ZDHHC11B: variants seen among roughly 807,000 people sequenced by gnomAD.
ZDHHC11B encodes the protein zDHHC palmitoyltransferase 11B (putative).
Under a neutral mutation model 42.3 loss-of-function variants are expected in ZDHHC11B, and 17 were observed. That is an observed-to-expected ratio of 0.40 (90% CI 0.27 to 0.60). The LOEUF (loss-of-function observed/expected upper bound fraction) is 0.60. Ranked by LOEUF, ZDHHC11B falls within the 20% of genes least tolerant of loss-of-function variation. The probability of loss-of-function intolerance (pLI) is 0.41; values close to 1 mark genes in which losing one functional copy is unlikely to be tolerated. For synonymous variants in ZDHHC11B, 123 were observed against 193.5 expected (o/e 0.64, Z 3.02); for missense variants, 262 against 463.2 (o/e 0.57, Z 3.99).
intron 6 of ZDHHC11B, among the ~76,000 whole-genome samples, chr5:751,610 C>G (rs1297535025): frequency 8.0e-6 from 1 of 124,524 alleles, no homozygotes; most frequent in Non-Finnish European, 1.8e-5. Flanking sequence ...ATCTGGAGCC[C>G]GCAGGGTGGA....
rs1242033927 is a variant in ZDHHC11B at position 745,860 on chromosome 5, C to A, written c.785-562G>T. 3.3e-5 allele frequency among the ~76,000 whole-genome samples: 5 copies of A among 149,688 alleles called. 2 individuals are homozygous for A. In the East Asian group the frequency reaches 1.0e-3, roughly 31 times the overall value. The stretch of plus-strand genomic sequence containing the variant: ...CTGGCTAGCGGGTCCTGGGACCACA[C>A]ACTCCTGAGCGTGCTGAGAGCCCCA... On this transcript the variant is annotated intron_variant, in intron 8 of 13. Transcript: ENST00000508859.
chr5:725,111 C>A (rs543328354), intron 12 of ZDHHC11B, among the ~76,000 whole-genome samples: 1 of 151,398 alleles, frequency 6.6e-6, no homozygotes, highest in Admixed American at 6.6e-5. Context: ...ATGTGGGACC[C>A]GGATGACAGG....
chr5:776,837 G>A (rs1736539556), intron 1 of ZDHHC11B, among the ~76,000 whole-genome samples: 1 of 151,878 alleles, frequency 6.6e-6, no homozygotes, highest in African/African-American at 2.4e-5. Context: ...CCATTTGGGT[G>A]CAGCACAGCC....
At chr5:753,791 C>T (rs1341771364) in intron 6 of ZDHHC11B, among the ~76,000 whole-genome samples, 10 of 144,930 alleles carry the variant, frequency 6.9e-5, no homozygotes, top group Admixed American at 2.1e-4. Context: ...GTGCTCCAGA[C>T]GGGATGGCAG....
In ZDHHC11B at chr5:766,162, C is replaced by T. The variant is rs1340153523; in HGVS notation, c.222+536G>A. 2.0e-5 allele frequency among the ~76,000 whole-genome samples: 3 copies of T among 151,822 alleles called. 1 individual carries two copies. Among genetic ancestry groups the T allele is most frequent in the African/African-American group, 7.3e-5 (3 of 41,318 alleles). ...TGGGAGATGCGAGCAGACACAGGCT[C>T]CCACCCGCTGGAAGATGATGGGAGC... is the stretch of plus-strand genomic sequence containing the variant. On this transcript the variant is annotated intron_variant, in intron 4 of 13. Transcript: ENST00000508859.
Position 766,752 on chromosome 5 carries a change from G to A in ZDHHC11B, c.168C>T (p.Thr56=), listed in dbSNP as rs1735454296. The A allele has an allele frequency of 4.3e-6, 7 of 1,612,316 alleles. No individual in the cohort carries two copies. Among genetic ancestry groups the A allele is most frequent in the Non-Finnish European group, 5.9e-6 (7 of 1,179,068 alleles). Residue 56 remains threonine (T), a synonymous_variant, in exon 4 of 14, where the codon ACC becomes ACT. Transcript: ENST00000508859. ...WAVFVGLSLA[T]FRIFIPLLPH... ...GCAGGAGGGGAATGAAGATCCTGAA[G>A]GTGGCCAAGGAAAGGCCAACGAAGA...
chr5:728,680 G>A (rs370446), intron 12 of ZDHHC11B, among the ~76,000 whole-genome samples: 10,962 of 149,376 alleles, frequency 0.073, 142 homozygotes, highest in East Asian at 0.21. Flanking sequence ...ATGTAATAAG[G>A]TTATAAGTTC....
chr5:777,224 CAGTG>C (rs997736713), intron 1 of ZDHHC11B, among the ~76,000 whole-genome samples: 1 of 151,886 alleles, frequency 6.6e-6, no homozygotes, highest in African/African-American at 2.4e-5. Flanking sequence ...CGGACTCTCG[CAGTG>C]AGTGTTACAG....
At chr5:776,397 C>T (rs1223409150) in intron 1 of ZDHHC11B, among the ~76,000 whole-genome samples, 1 of 151,818 alleles carries the variant, frequency 6.6e-6, no homozygotes, top group Non-Finnish European at 1.5e-5. Context: ...GGATCAGGAC[C>T]AGGGAGAAGC....
At chr5:724,371 A>T (rs1349051050) in intron 12 of ZDHHC11B, among the ~76,000 whole-genome samples, 1 of 81,418 alleles carries the variant, frequency 1.2e-5, no homozygotes. Context: ...AACCCAGCTA[A>T]TTTTTTTTTT....
chr5:750,376 G>A lies in ZDHHC11B; in HGVS notation c.628+757C>T, dbSNP rs369170809. On this transcript the variant is annotated intron_variant, in intron 7 of 13. Coordinates refer to ENST00000508859, the MANE Select transcript of ZDHHC11B (RefSeq NM_001351303.2). Reference sequence around the variant, plus strand: ...TCTGCGAGCTCCTGTGGCTCCGGGCGACCCCGGGCTGTGGCTGTGTGACTC... The same window carrying A: ...TCTGCGAGCTCCTGTGGCTCCGGGCAACCCCGGGCTGTGGCTGTGTGACTC... 2.9e-5 allele frequency among the ~76,000 whole-genome samples: 4 copies of A among 139,036 alleles called. 1 individual carries two copies. In the East Asian group the frequency reaches 6.7e-4, roughly 23 times the overall value. 91.2% of individuals were successfully genotyped at this position (139,036 alleles called of 152,430 possible).
chr5:733,804 C>G lies in ZDHHC11B; in HGVS notation c.971G>C (p.Cys324Ser), dbSNP rs755473336. The G allele has an allele frequency of 6.4e-7, 1 of 1,570,124 alleles. No homozygotes were observed. The highest frequency in any genetic ancestry group is 8.6e-7 in the Non-Finnish European group (1 of 1,158,574). The change falls in exon 11 of 14, where the codon TGC becomes TCC. Residue 324 changes from cysteine to serine, a missense_variant. This residue lies in a region of ZDHHC11B where 75 missense variants were observed against 70.1 expected (regional missense o/e 1.07). Coordinates refer to ENST00000508859, the MANE Select transcript of ZDHHC11B (RefSeq NM_001351303.2). ...KAKSSLLIYK[C>S]PCHFCTSVNQ... ...TACTGAAGTGCAGAAGTGACATGGG[C>G]ATTTGTAAATCAGCAGGGAGCTCTT...
intron 9 of ZDHHC11B, among the ~76,000 whole-genome samples, chr5:743,237 G>A (rs553962852): frequency 1.5e-4 from 23 of 149,342 alleles, no homozygotes; most frequent in Middle Eastern, 3.4e-3. Flanking sequence ...CTCTGTCGGC[G>A]CCACACTGTT....
chr5:723,401 C>T (rs147403422), intron 12 of ZDHHC11B, among the ~76,000 whole-genome samples: 2,845 of 127,858 alleles, frequency 0.022, 76 homozygotes, highest in African/African-American at 0.056. Flanking sequence ...GGAATAGGGG[C>T]TCAGAGTGGT....
Position 711,959 on chromosome 5 carries a change from G to A in ZDHHC11B, c.*331C>T, listed in dbSNP as rs566626117. On this transcript the variant is annotated 3_prime_UTR_variant, in exon 14 of 14. Coordinates refer to ENST00000508859, the MANE Select transcript of ZDHHC11B (RefSeq NM_001351303.2). ...TAAGCAGCAAGAGGCCCTGCAGCTG[G>A]CTGGCTGGCTGGACAGCACAGTTAA... 7.7e-6 allele frequency: 1 copy of A among 129,892 alleles called. No homozygotes were observed. The highest frequency in any genetic ancestry group is 2.2e-4 in the East Asian group (1 of 4,594). 8.0% of individuals were successfully genotyped at this position (129,892 alleles called of 1,614,324 possible). A position where few individuals can be genotyped will look rare whatever the true frequency, so the allele number is the denominator to read the frequency against.
intron 11 of ZDHHC11B, chr5:732,763 C>T (rs1373901041): frequency 1.1e-5 from 4 of 368,622 alleles, no homozygotes; most frequent in Non-Finnish European, 2.1e-5. Flanking sequence ...GGCATGGAGG[C>T]TCACGCCTCT....
intron 10 of ZDHHC11B, among the ~76,000 whole-genome samples, chr5:739,396 T>TCAAACAAACAAACAAA (rs70955296): frequency 1.6e-4 from 24 of 149,262 alleles, no homozygotes; most frequent in East Asian, 1.2e-3. Flanking sequence ...AGACTCTGTC[T>TCAAACAAACAAACAAA]CAAACAAACA....
intron 1 of ZDHHC11B, among the ~76,000 whole-genome samples, chr5:775,449 C>T (rs1352628939): frequency 6.6e-6 from 1 of 152,082 alleles, no homozygotes; most frequent in South Asian, 2.1e-4. Context: ...TGATGGCAGC[C>T]AACTGGATTC....
Position 758,164 on chromosome 5 carries a change from T to C in ZDHHC11B, c.223-2020A>G, listed in dbSNP as rs1268438884. On this transcript the variant is annotated intron_variant, in intron 4 of 13. Transcript: ENST00000508859. Reference sequence around the variant, plus strand: ...GGTCACCGGGGCAACAGGGAGCTCGTCTGGAGCCTTGGGACGCTATCGGTG... The same window carrying C: ...GGTCACCGGGGCAACAGGGAGCTCGCCTGGAGCCTTGGGACGCTATCGGTG... Among the ~76,000 whole-genome samples the C allele has an allele frequency of 3.9e-5, 6 of 151,930 alleles. No homozygotes were observed. The East Asian group carries it at 1.2e-3, about 29-fold the overall frequency.
Sources: gnomAD v4.1 joint callset for allele counts (sites outside exome capture counted in the v4.1 genomes callset) on GRCh38, gnomAD v4.1.1 for gene constraint, gnomAD v4.1.1 regional missense constraint, MANE v1.5 for transcripts, NCBI Gene and HGNC (gene_info 2026-07-23, HGNC 2026-07-21) for gene names.